The following SLC44A5 variants were observed in gnomAD, a reference collection of about 807,000 sequenced individuals.
SLC44A5 encodes the protein solute carrier family 44 member 5.
A neutral mutation model predicts 101.8 loss-of-function variants in SLC44A5; 57 were observed. The observed-to-expected ratio is 0.56, with a 90% CI of 0.45 to 0.70. SLC44A5 has a LOEUF of 0.70. SLC44A5 is among the 30% of genes least tolerant of loss of function. SLC44A5 has a pLI of 0.00. For missense variants in SLC44A5, 737 were observed against 853.1 expected (o/e 0.86, Z 1.70); for synonymous variants, 281 against 290.9 (o/e 0.97, Z 0.35).
intron 23 of SLC44A5, chr1:75,205,152 C>T (rs1646728992): frequency 6.6e-6 from 1 of 152,158 alleles, no homozygotes; most frequent in Non-Finnish European, 1.5e-5. Flanking sequence ...AAAATCTTCC[C>T]TATTCATTGG....
chr1:75,642,209 G>C, the SLC44A5 span: 38 of 563,422 alleles, frequency 6.7e-5, no homozygotes, highest in South Asian at 8.9e-4. Context: ...GTGACAGCTT[G>C]TTTCTGCTTA....
At chr1:75,685,174 G>A in the SLC44A5 span, among the ~76,000 whole-genome samples, 3 of 152,148 alleles carry the variant, frequency 2.0e-5, no homozygotes, top group Admixed American at 1.3e-4. Flanking sequence ...CAAGTCCCAA[G>A]ACTGCACAAA....
chr1:75,300,509 T>A (rs540325160), intron 5 of SLC44A5, 103 bp downstream of exon 5: 63 of 670,588 alleles, frequency 9.4e-5, no homozygotes, highest in African/African-American at 8.5e-4. Flanking sequence ...CAGTCAATAA[T>A]AGGAAGGCTT....
chr1:75,699,169 C>T, the SLC44A5 span, among the ~76,000 whole-genome samples: 1 of 152,016 alleles, frequency 6.6e-6, no homozygotes, highest in African/African-American at 2.4e-5. Context: ...AAAGATACTC[C>T]TCGAGAAGAG....
At chr1:75,536,108 T>C (rs1313645833) in intron 2 of SLC44A5, among the ~76,000 whole-genome samples, 1 of 151,140 alleles carries the variant, frequency 6.6e-6, no homozygotes, top group Admixed American at 6.6e-5. Context: ...AAACAGTAGG[T>C]AGAAAATAAG....
At chr1:75,359,768 C>A (rs556762246) in intron 3 of SLC44A5, among the ~76,000 whole-genome samples, 1 of 152,100 alleles carries the variant, frequency 6.6e-6, no homozygotes, top group African/African-American at 2.4e-5. Context: ...ATAATGACTG[C>A]ACCAATTTAC....
intron 2 of SLC44A5, among the ~76,000 whole-genome samples, chr1:75,495,427 C>G (rs895542202): frequency 6.6e-6 from 1 of 151,858 alleles, no homozygotes; most frequent in African/African-American, 2.4e-5. Context: ...TGCACTCCAG[C>G]CCGGGTGACA....
chr1:75,363,007 T>C (rs77269290), intron 3 of SLC44A5, among the ~76,000 whole-genome samples: 2,410 of 152,222 alleles, frequency 0.016, 27 homozygotes, highest in East Asian at 0.032. Flanking sequence ...TGGGTGCATA[T>C]ATATTTACAA....
At chr1:75,469,370 A>T (rs1666981972) in intron 2 of SLC44A5, among the ~76,000 whole-genome samples, 1 of 152,222 alleles carries the variant, frequency 6.6e-6, no homozygotes, top group South Asian at 2.1e-4. Context: ...GTAAATGATG[A>T]CATAATAAGC....
chr1:75,583,215 G>T (rs1673800669), intron 1 of SLC44A5, among the ~76,000 whole-genome samples: 2 of 152,160 alleles, frequency 1.3e-5, no homozygotes, highest in South Asian at 4.2e-4. Flanking sequence ...CCTCAACCTT[G>T]CCCTTTCCAT....
At chr1:75,632,471 G>C in the SLC44A5 span, among the ~76,000 whole-genome samples, 1 of 151,970 alleles carries the variant, frequency 6.6e-6, no homozygotes, top group African/African-American at 2.4e-5. Flanking sequence ...GAGAACTTTA[G>C]AGATGATCAG....
intron 2 of SLC44A5, among the ~76,000 whole-genome samples, chr1:75,440,712 G>A (rs981487050): frequency 9.9e-5 from 15 of 151,994 alleles, no homozygotes; most frequent in Admixed American, 4.6e-4. Context: ...TGGTAAACAC[G>A]GTGCCATGTA....
chr1:75,487,103 T>C (rs1668193026), intron 2 of SLC44A5, among the ~76,000 whole-genome samples: 1 of 152,242 alleles, frequency 6.6e-6, no homozygotes, highest in Admixed American at 6.5e-5. Context: ...AGTCATCAAA[T>C]ACTTAATAAA....
chr1:75,682,370 G>A, the SLC44A5 span, among the ~76,000 whole-genome samples: 2 of 151,986 alleles, frequency 1.3e-5, no homozygotes, highest in African/African-American at 4.8e-5. Context: ...CAAGGCTACA[G>A]TAACCAAAAC....
the SLC44A5 span, among the ~76,000 whole-genome samples, chr1:75,680,654 A>C: frequency 6.6e-6 from 1 of 150,774 alleles, no homozygotes; most frequent in African/African-American, 2.4e-5. Context: ...CCACAAGAGA[A>C]AGCAGGAAAG....
At chr1:75,402,521 G>A (rs1324654617) in intron 2 of SLC44A5, 2 of 259,884 alleles carry the variant, frequency 7.7e-6, no homozygotes, top group Non-Finnish European at 1.7e-5. Context: ...TAGACAATGG[G>A]TGTAGCCCAC....
At chr1:75,563,984 C>T (rs1406792490) in intron 1 of SLC44A5, among the ~76,000 whole-genome samples, 1 of 152,132 alleles carries the variant, frequency 6.6e-6, no homozygotes, top group Non-Finnish European at 1.5e-5. Flanking sequence ...TCTGTAGCCT[C>T]TAGCATGTAG....
At chr1:75,273,983 G>A (rs1227634131) in intron 6 of SLC44A5, among the ~76,000 whole-genome samples, 1 of 152,052 alleles carries the variant, frequency 6.6e-6, no homozygotes, top group African/African-American at 2.4e-5. Flanking sequence ...TAAAATTCAG[G>A]TGTGAATTCA....
At chr1:75,693,582 C>T in the SLC44A5 span, among the ~76,000 whole-genome samples, 3 of 152,108 alleles carry the variant, frequency 2.0e-5, no homozygotes, top group African/African-American at 7.2e-5. Context: ...GTTACTGAAG[C>T]GTTTCTTATC....
Sources: allele counts gnomAD v4.1 joint callset (sites outside exome capture counted in the v4.1 genomes callset), GRCh38; gene constraint gnomAD v4.1.1; transcripts MANE v1.5; gene names NCBI Gene and HGNC (gene_info 2026-07-23, HGNC 2026-07-21).